The following HCN1 variants were observed in gnomAD, a reference collection of about 807,000 sequenced individuals.
HCN1 encodes hyperpolarization activated cyclic nucleotide gated potassium channel 1, also known as potassium/sodium hyperpolarization-activated cyclic nucleotide-gated channel 1.
Under a neutral mutation model 78.9 loss-of-function variants are expected in HCN1, and 13 were observed. The observed-to-expected ratio is 0.16, with a 90% CI of 0.11 to 0.26. HCN1 has a LOEUF of 0.26. Ranked by LOEUF, HCN1 falls within the 10% of genes least tolerant of loss-of-function variation. The probability of loss-of-function intolerance (pLI) is 1.00; values close to 1 mark genes in which losing one functional copy is unlikely to be tolerated. For missense variants in HCN1, 810 were observed against 1,154.3 expected (o/e 0.70, Z 4.32); for synonymous variants, 552 against 455.5 (o/e 1.21, Z -2.70).
intron 5 of HCN1, among the ~76,000 whole-genome samples, chr5:45,345,085 G>T (rs1463813743): frequency 1.3e-5 from 2 of 152,052 alleles, no homozygotes; most frequent in East Asian, 3.9e-4. Context: ...CTTGACTTTT[G>T]TGACCCCCAC....
chr5:45,376,011 T>A lies in HCN1; in HGVS notation c.1230+20481A>T, dbSNP rs1385540985. Reference sequence around the variant, plus strand: ...ATATGATATAATATTTTATAATATTTTATCATATACAATCTATAATATAAT... The same window carrying A: ...ATATGATATAATATTTTATAATATTATATCATATACAATCTATAATATAAT... On this transcript the variant is annotated intron_variant, in intron 4 of 7. Transcript: ENST00000303230. Among the ~76,000 whole-genome samples, 4 of 116,840 alleles carry A rather than the reference T, an allele frequency of 3.4e-5. No homozygotes were observed. In the East Asian group the frequency reaches 7.4e-4, roughly 22 times the overall value. The allele number at this position is 116,840 out of a possible 152,430, so 76.7% of individuals were successfully genotyped here.
intron 4 of HCN1, among the ~76,000 whole-genome samples, chr5:45,365,134 A>AT (rs896794650): frequency 4.6e-5 from 7 of 151,902 alleles, no homozygotes; most frequent in Non-Finnish European, 7.4e-5. Context: ...TAAAAGTGCC[A>AT]TTTTTTTCAT....
At position 45,303,852 on chromosome 5, in the gene HCN1, A is replaced by C; in HGVS notation, c.1378-13T>G. ...AGTTGACTATCTCCTAAAGATGTCA[A>C]GAGTAAACAAATATTAAGAGAGATA... On this transcript the variant is annotated splice_polypyrimidine_tract_variant and intron_variant, in intron 5 of 7. Transcript: ENST00000303230. 6.2e-7 allele frequency: 1 copy of C among 1,609,454 alleles called. No homozygotes were observed. Among genetic ancestry groups the C allele is most frequent in the Non-Finnish European group, 8.5e-7 (1 of 1,175,982 alleles).
chr5:45,671,835 T>C (rs1210216820), intron 1 of HCN1, among the ~76,000 whole-genome samples: 1 of 151,608 alleles, frequency 6.6e-6, no homozygotes, highest in Non-Finnish European at 1.5e-5. Flanking sequence ...CTGTCAAAAA[T>C]CTGTTATTGT....
At position 45,267,247 on chromosome 5, in the gene HCN1, C is replaced by A. The variant is rs1395732901; in HGVS notation, c.1625G>T (p.Cys542Phe). 1 of 1,613,620 alleles carries A rather than the reference C, an allele frequency of 6.2e-7. No homozygotes were observed. The highest frequency in any genetic ancestry group is 1.3e-5 in the African/African-American group (1 of 74,844). ...LTDGSYFGEI[C>F]LLTKGRRTAS... Reference sequence around the variant, plus strand: ...AGTACGACGTCCTTTGGTCAGCAGGCAAATCTCTATAAAAACAAACAACAA... The same window carrying A: ...AGTACGACGTCCTTTGGTCAGCAGGAAAATCTCTATAAAAACAAACAACAA... The change falls in exon 7 of 8, where the codon TGC becomes TTC. Residue 542 changes from cysteine to phenylalanine, a missense_variant. By Grantham distance (205) the Cys-to-Phe change is radical. Transcript: ENST00000303230.
intron 3 of HCN1, among the ~76,000 whole-genome samples, chr5:45,407,482 C>T (rs1319725018): frequency 1.3e-5 from 2 of 152,020 alleles, no homozygotes; most frequent in East Asian, 1.9e-4. Context: ...TGTAAAACAA[C>T]CTCAGGTATG....
intron 1 of HCN1, among the ~76,000 whole-genome samples, chr5:45,646,355 C>T (rs952487231): frequency 4.3e-5 from 6 of 138,782 alleles, no homozygotes; most frequent in Admixed American, 7.3e-5. Context: ...CATAAAAATT[C>T]TTTCTTTCTT....
intron 2 of HCN1, among the ~76,000 whole-genome samples, chr5:45,465,835 G>T (rs909328350): frequency 2.0e-5 from 3 of 152,130 alleles, no homozygotes; most frequent in African/African-American, 7.2e-5. Context: ...AGGAGACACG[G>T]TGCTTTACAT....
chr5:45,596,372 T>C (rs1434885266), intron 2 of HCN1, among the ~76,000 whole-genome samples: 1 of 152,228 alleles, frequency 6.6e-6, no homozygotes, highest in Non-Finnish European at 1.5e-5. Context: ...TTATTCTAAA[T>C]TGCTCTATCA....
At chr5:45,600,538 G>A (rs932265173) in intron 2 of HCN1, among the ~76,000 whole-genome samples, 1 of 152,244 alleles carries the variant, frequency 6.6e-6, no homozygotes, top group Middle Eastern at 3.4e-3. Context: ...CTAGCCATTA[G>A]TAGATCCCTC....
chr5:45,268,560 G>A (rs982303282), intron 6 of HCN1, among the ~76,000 whole-genome samples: 7 of 152,128 alleles, frequency 4.6e-5, no homozygotes, highest in South Asian at 2.1e-4. Flanking sequence ...ACACATGTAC[G>A]TTCATTTGAA....
At chr5:45,518,900 T>C (rs1232933906) in intron 2 of HCN1, among the ~76,000 whole-genome samples, 1 of 151,898 alleles carries the variant, frequency 6.6e-6, no homozygotes, top group Non-Finnish European at 1.5e-5. Context: ...AATGCCTTCA[T>C]ATAAGATCTC....
chr5:45,319,235 T>C (rs115826123), intron 5 of HCN1, among the ~76,000 whole-genome samples: 4 of 152,076 alleles, frequency 2.6e-5, no homozygotes, highest in African/African-American at 4.8e-5. Flanking sequence ...TTCTGGGTAA[T>C]AGAATAAGCA....
chr5:45,427,361 C>T (rs774425725), intron 3 of HCN1, among the ~76,000 whole-genome samples: 3 of 151,628 alleles, frequency 2.0e-5, no homozygotes, highest in Non-Finnish European at 2.9e-5. Context: ...TTTTTTATGA[C>T]AAGTGGTACC....
chr5:45,441,888 G>C (rs2111570066), intron 3 of HCN1, among the ~76,000 whole-genome samples: 1 of 152,144 alleles, frequency 6.6e-6, no homozygotes, highest in South Asian at 2.1e-4. Context: ...AACCCTTAAT[G>C]CTCAACAAAT....
At chr5:45,570,979 C>T (rs1450804846) in intron 2 of HCN1, among the ~76,000 whole-genome samples, 2 of 152,062 alleles carry the variant, frequency 1.3e-5, no homozygotes, top group East Asian at 1.9e-4. Context: ...GACAATATTG[C>T]TCACTTGATA....
Position 45,645,347 on chromosome 5 carries a change from G to C in HCN1, c.687C>G (p.Ser229=). The C allele has an allele frequency of 6.2e-7, 1 of 1,613,574 alleles. No homozygotes were observed. Among genetic ancestry groups the C allele is most frequent in the Non-Finnish European group, 8.5e-7 (1 of 1,179,790 alleles). Residue 229 remains serine (S), a synonymous_variant, in exon 2 of 8, where the codon TCC becomes TCG. Coordinates refer to ENST00000303230, the MANE Select transcript of HCN1 (RefSeq NM_021072.4). ...KSWFVVDFIS[S]IPVDYIFLIV... ...TAAGAAAGATATAATCCACTGGGAT[G>C]GATGAGATGAAGTCAACCACAAACC...
intron 4 of HCN1, among the ~76,000 whole-genome samples, chr5:45,355,246 T>C (rs1406321992): frequency 6.6e-6 from 1 of 152,082 alleles, no homozygotes; most frequent in Non-Finnish European, 1.5e-5. Context: ...TGAATCTATA[T>C]TACTATTTTA....
intron 1 of HCN1, among the ~76,000 whole-genome samples, chr5:45,655,928 T>C (rs1745757282): frequency 6.6e-6 from 1 of 152,118 alleles, no homozygotes; most frequent in Admixed American, 6.6e-5. Context: ...TACCAAATAC[T>C]CTCTCCAAAT....
Sources: gnomAD v4.1 joint callset for allele counts (sites outside exome capture counted in the v4.1 genomes callset) on GRCh38, gnomAD v4.1.1 for gene constraint, MANE v1.5 for transcripts, NCBI Gene and HGNC (gene_info 2026-07-23, HGNC 2026-07-21) for gene names.